The following HS3ST6 variants were observed in gnomAD, a reference collection of about 807,000 sequenced individuals.
HS3ST6 encodes heparan sulfate glucosamine 3-O-sulfotransferase 6.
Under a neutral mutation model 11.0 loss-of-function variants are expected in HS3ST6, and 13 were observed. The observed-to-expected ratio is 1.18, with a 90% CI of 0.77 to 1.88. The LOEUF is 1.88. HS3ST6 is among the 40% of genes most tolerant of loss of function. The pLI, the probability that HS3ST6 is intolerant of heterozygous loss-of-function variation, is 0.00. For missense variants in HS3ST6, 541 were observed against 494.4 expected (o/e 1.09, Z -0.89); for synonymous variants, 232 against 230.6 (o/e 1.01, Z -0.06).
intron 1 of HS3ST6, among the ~76,000 whole-genome samples, chr16:1,915,857 C>A (rs1246786845): frequency 6.6e-6 from 1 of 152,226 alleles, no homozygotes; most frequent in African/African-American, 2.4e-5. Flanking sequence ...CAGGACCCAA[C>A]TGCCGAGGCC....
chr16:1,913,035 G>A lies in HS3ST6; in HGVS notation c.414-830C>T, dbSNP rs190021235. 3.0e-4 allele frequency among the ~76,000 whole-genome samples: 46 copies of A among 152,106 alleles called. 1 individual carries two copies. In the East Asian group the frequency reaches 3.7e-3, roughly 12 times the overall value. ...TCGAACTCCTGACCTCAGGTGATCC[G>A]CCTGCCTCAGCCTCCCAAAGTGCTG... On this transcript the variant is annotated intron_variant, in intron 1 of 1. Coordinates refer to ENST00000454677, the MANE Select transcript of HS3ST6 (RefSeq NM_001009606.4).
At position 1,912,480 on chromosome 16, in the gene HS3ST6, G is replaced by A. The variant is rs958978399; in HGVS notation, c.414-275C>T. Among the ~76,000 whole-genome samples the A allele has an allele frequency of 6.6e-6, 1 of 152,084 alleles. No individual in the cohort carries two copies. The highest frequency in any genetic ancestry group is 6.5e-5 in the Admixed American group (1 of 15,272). On this transcript the variant is annotated intron_variant, in intron 1 of 1. Coordinates refer to ENST00000454677, the MANE Select transcript of HS3ST6 (RefSeq NM_001009606.4). The surrounding 1 kb of genome is among the most constrained non-coding windows in gnomAD (Gnocchi z 5.6). ...TGCACTGAGGATTAGGGTGACGGTC[G>A]CTGGTCGGGAGGCCCAAATGCTCCT...
Position 1,918,111 on chromosome 16 carries a change from GA to G in HS3ST6, c.212del (p.Val71AlafsTer28). The G allele has an allele frequency of 7.8e-7, 1 of 1,285,140 alleles. No homozygotes were observed. The highest frequency in any genetic ancestry group is 9.9e-7 in the Non-Finnish European group (1 of 1,014,936). 79.6% of individuals were successfully genotyped at this position (1,285,140 alleles called of 1,614,324 possible). A position where few individuals can be genotyped will look rare whatever the true frequency, so the allele number is the denominator to read the frequency against. Reference sequence around the variant, plus strand: ...GCAGGCCGGGTGCTCCCGGGCGGTGGACGGAGCTGGACGGCTCGGAGGGCGC... The same window carrying G: ...GCAGGCCGGGTGCTCCCGGGCGGTGGCGGAGCTGGACGGCTCGGAGGGCGC... ...APAPSEPSSS[V>X]HRPGAPGLPL... On this transcript the variant is annotated frameshift_variant, in exon 1 of 2. Transcript: ENST00000454677. LOFTEE classifies it high-confidence loss of function. The surrounding 1 kb of genome is among the most constrained non-coding windows in gnomAD (Gnocchi z 6.0).
rs1657140 is a variant in HS3ST6, at chr16:1,912,046, G to A, written c.573C>T (p.Tyr191=). Reference sequence around the variant, plus strand: ...CCGGGGTCTTGGAGAGCGTCTGGGCGTAGTCGGAGATGGCCCGGGTCACGG... The same window carrying A: ...CCGGGGTCTTGGAGAGCGTCTGGGCATAGTCGGAGATGGCCCGGGTCACGG... ...RNPVTRAISD[Y]AQTLSKTPGL... Residue 191 remains tyrosine (Y), a synonymous_variant, in exon 2 of 2, where the codon TAC becomes TAT. Transcript: ENST00000454677. This position sits in a 1 kb window ranked among gnomAD's most constrained non-coding sequence, Gnocchi z 5.6. 0.37 allele frequency: 568,728 copies of A among 1,517,210 alleles called. 109,820 individuals are homozygous for A. Among genetic ancestry groups the A allele is most frequent in the South Asian group, 0.55 (41,498 of 75,438 alleles). 94.0% of individuals were successfully genotyped at this position (1,517,210 alleles called of 1,614,324 possible).
chr16:1,917,774 A>C, intron 1 of HS3ST6, 137 bp downstream of exon 1: 10 of 537,354 alleles, frequency 1.9e-5, no homozygotes, highest in Admixed American at 4.4e-5. Context: ...TGGGGCCCCC[A>C]CAGGGCGGTC....
intron 1 of HS3ST6, among the ~76,000 whole-genome samples, chr16:1,914,520 G>C (rs749278888): frequency 1.3e-5 from 2 of 152,116 alleles, no homozygotes; most frequent in Admixed American, 6.6e-5. Context: ...CTCCCGTCTC[G>C]GGCATACTGA....
chr16:1,911,629 C>G lies in HS3ST6; in HGVS notation c.990G>C (p.Arg330Ser), dbSNP rs200725241. The G allele has an allele frequency of 6.2e-6, 10 of 1,608,654 alleles. No homozygotes were observed. Among genetic ancestry groups the G allele is most frequent in the African/African-American group, 1.3e-5 (1 of 74,822 alleles). ...AGTCCTGGCCCGTCATCTGGTAGAACCTGCGGTTGAAGGGCCGGTAGAACT... is the reference window on the plus strand; with the variant it reads ...AGTCCTGGCCCGTCATCTGGTAGAAGCTGCGGTTGAAGGGCCGGTAGAACT... ...LQEFYRPFNR[R>S]FYQMTGQDFG... The change falls in exon 2 of 2, where the codon AGG becomes AGC. Residue 330 changes from arginine to serine, a missense_variant. Transcript: ENST00000454677.
rs1021487166 is a variant in HS3ST6, at chr16:1,917,912, G to A, written c.412C>T (p.Arg138Trp). ...RCYERGLAWY[R>W]SLMPRTLDGQ... is the part of the protein sequence containing the mutation. Reference sequence around the variant, plus strand: ...GGGCGGACGGGCCAGGGTGCTCACCGGTACCAGGCGAGGCCGCGCTCGTAG... The same window carrying A: ...GGGCGGACGGGCCAGGGTGCTCACCAGTACCAGGCGAGGCCGCGCTCGTAG... Residue 138 changes from arginine (R) to tryptophan (W), a missense_variant and splice_region_variant, in exon 1 of 2, where the codon CGG becomes TGG. Physicochemically the swap from Arg to Trp is moderately radical, Grantham distance 101. Coordinates refer to ENST00000454677, the MANE Select transcript of HS3ST6 (RefSeq NM_001009606.4). The A allele has an allele frequency of 2.7e-6, 4 of 1,465,116 alleles. No homozygotes were observed. The highest frequency in any genetic ancestry group is 1.3e-5 in the South Asian group (1 of 74,570). The allele number at this position is 1,465,116 out of a possible 1,614,324, so 90.8% of individuals were successfully genotyped here. A position where few individuals can be genotyped will look rare whatever the true frequency, so the allele number is the denominator to read the frequency against.
In HS3ST6 at chr16:1,911,941, G is replaced by A. The variant is rs773131043; in HGVS notation, c.678C>T (p.Gly226=). ...VDTAWSAVRI[G]LYAQHLDHWL... is the part of the protein sequence containing the mutation. ...AGTGGTCCAGGTGCTGGGCGTACAG[G>A]CCGATGCGGACGGCGCTCCAGGCTG... Residue 226 remains glycine (G), a synonymous_variant, in exon 2 of 2, where the codon GGC becomes GGT. Transcript: ENST00000454677. 2 of 1,589,322 alleles carry A rather than the reference G, an allele frequency of 1.3e-6. No homozygotes were observed. The highest frequency in any genetic ancestry group is 1.7e-6 in the Non-Finnish European group (2 of 1,166,438).
In HS3ST6 at chr16:1,912,781, ACATCTCTTCC is replaced by A. The variant is rs1258728469; in HGVS notation, c.414-586_414-577del. On this transcript the variant is annotated intron_variant, in intron 1 of 1. Transcript: ENST00000454677. This position sits in a 1 kb window ranked among gnomAD's most constrained non-coding sequence, Gnocchi z 5.6. ...GCTCCCTCCCTCCCCTGATGTAATT[ACATCTCTTCC>A]CATCTTTATTTATTTTTTGAGACGG... Among the ~76,000 whole-genome samples the A allele has an allele frequency of 5.9e-5, 9 of 152,096 alleles. No individual in the cohort carries two copies. The highest frequency in any genetic ancestry group is 1.2e-4 in the Non-Finnish European group (8 of 67,960).
At chr16:1,919,742 G>A (rs1453694219), upstream of HS3ST6, among the ~76,000 whole-genome samples, 1 of 152,260 alleles carries the variant, frequency 6.6e-6, no homozygotes, top group Non-Finnish European at 1.5e-5. Flanking sequence ...GCCCTGGCCA[G>A]AGGGGGCCAC....
At chr16:1,918,820 G>A (rs756049977), upstream of HS3ST6, among the ~76,000 whole-genome samples, 28 of 152,176 alleles carry the variant, frequency 1.8e-4, no homozygotes, top group Non-Finnish European at 3.8e-4. This position sits in a 1 kb window ranked among gnomAD's most constrained non-coding sequence, Gnocchi z 6.0. Flanking sequence ...GCAGGAGCGG[G>A]AGCCTCATCG....
chr16:1,913,151 C>G (rs2974863), intron 1 of HS3ST6, among the ~76,000 whole-genome samples: 67,562 of 152,040 alleles, frequency 0.44, 15,597 homozygotes, highest in South Asian at 0.64. Context: ...CTGGACTCAG[C>G]AGGCCAAAAA....
At position 1,917,523 on chromosome 16, in the gene HS3ST6, C is replaced by T. The variant is rs533482552; in HGVS notation, c.413+388G>A. Among the ~76,000 whole-genome samples, 13 of 152,284 alleles carry T rather than the reference C, an allele frequency of 8.5e-5. 1 individual carries two copies. In the South Asian group the frequency reaches 2.7e-3, roughly 32 times the overall value. On this transcript the variant is annotated intron_variant, in intron 1 of 1. Transcript: ENST00000454677. The stretch of plus-strand genomic sequence containing the variant: ...GGAGGCCCCTTTCTACAGTACCTGG[C>T]CAGCGGTCGGTCACACCTGAGTGCC...
At chr16:1,920,322 C>T (rs2150848250), upstream of HS3ST6, among the ~76,000 whole-genome samples, 1 of 151,364 alleles carries the variant, frequency 6.6e-6, no homozygotes, top group Middle Eastern at 3.4e-3. Context: ...TCTCAGGAGT[C>T]CCCACGGTCT....
Position 1,912,076 on chromosome 16 carries a change from C to G in HS3ST6, c.543G>C (p.Arg181=). Residue 181 remains arginine (R), a synonymous_variant, in exon 2 of 2, where the codon CGG becomes CGC. Coordinates refer to ENST00000454677, the MANE Select transcript of HS3ST6 (RefSeq NM_001009606.4). This position sits in a 1 kb window ranked among gnomAD's most constrained non-coding sequence, Gnocchi z 5.6. Reference sequence around the variant, plus strand: ...CGGAGATGGCCCGGGTCACGGGGTTCCGCACCACCACGATCAGCTTCGTGT... The same window carrying G: ...CGGAGATGGCCCGGGTCACGGGGTTGCGCACCACCACGATCAGCTTCGTGT... ...SPDTKLIVVV[R]NPVTRAISDY... The G allele has an allele frequency of 2.6e-6, 4 of 1,513,384 alleles. No individual in the cohort carries two copies. Among genetic ancestry groups the G allele is most frequent in the Non-Finnish European group, 3.5e-6 (4 of 1,133,014 alleles). 93.7% of individuals were successfully genotyped at this position (1,513,384 alleles called of 1,614,324 possible).
chr16:1,913,604 G>A (rs2082907058), intron 1 of HS3ST6, among the ~76,000 whole-genome samples: 1 of 152,192 alleles, frequency 6.6e-6, no homozygotes, highest in African/African-American at 2.4e-5. Context: ...GTGTTAGGGA[G>A]GGGATGCCTT....
intron 1 of HS3ST6, among the ~76,000 whole-genome samples, chr16:1,915,652 C>T (rs1388672968): frequency 3.9e-5 from 6 of 152,206 alleles, no homozygotes; most frequent in South Asian, 4.1e-4. Flanking sequence ...CTTCCCAGAT[C>T]GAGACCTTGG....
intron 1 of HS3ST6, among the ~76,000 whole-genome samples, chr16:1,917,226 G>C (rs2082932022): frequency 6.6e-6 from 1 of 152,182 alleles, no homozygotes; most frequent in African/African-American, 2.4e-5. Flanking sequence ...CTCTGCAGGC[G>C]CTGGGTCCAA....
Sources: allele counts gnomAD v4.1 joint callset (sites outside exome capture counted in the v4.1 genomes callset), GRCh38; gene constraint gnomAD v4.1.1; non-coding constraint Gnocchi (gnomAD v3.1); transcripts MANE v1.5; gene names NCBI Gene and HGNC (gene_info 2026-07-23, HGNC 2026-07-21).